Variants in CNTNAP2 observed in about 807,000 individuals in gnomAD.
CNTNAP2 encodes the protein contactin-associated protein-like 2.
CNTNAP2 carries 98 observed loss-of-function variants against 155.2 expected under a neutral mutation model. That is an observed-to-expected ratio of 0.63 (90% CI 0.54 to 0.75). CNTNAP2 has a LOEUF of 0.75. Among genes scored for constraint, CNTNAP2 ranks in the 30% least tolerant of loss-of-function variants. The pLI is 0.00. For missense variants in CNTNAP2, 1,727 were observed against 1,688.1 expected (o/e 1.02, Z -0.40); for synonymous variants, 651 against 631.2 (o/e 1.03, Z -0.47).
intron 1 of CNTNAP2, among the ~76,000 whole-genome samples, chr7:146,557,668 CT>C (rs1367218769): frequency 6.6e-6 from 1 of 151,244 alleles, no homozygotes; most frequent in Admixed American, 6.6e-5. Flanking sequence ...AATATTCAGT[CT>C]AGGAGACTTG....
At chr7:146,530,297 T>C (rs759714835) in intron 1 of CNTNAP2, among the ~76,000 whole-genome samples, 2 of 152,006 alleles carry the variant, frequency 1.3e-5, no homozygotes, top group Admixed American at 1.3e-4. Flanking sequence ...ACCTAGGAGA[T>C]ACCATTCTGG....
intron 15 of CNTNAP2, among the ~76,000 whole-genome samples, chr7:148,054,447 C>CT (rs61157011): frequency 0.057 from 4,191 of 73,038 alleles, 263 homozygotes; most frequent in African/African-American, 0.17. Context: ...TCTCAGTGGC[C>CT]TTTTTTTTTT....
intron 3 of CNTNAP2, among the ~76,000 whole-genome samples, chr7:146,933,373 C>G (rs1013844719): frequency 1.3e-5 from 2 of 151,310 alleles, no homozygotes; most frequent in Non-Finnish European, 3.0e-5. Context: ...GCTGGGAAAA[C>G]TGGCTAGCCA....
intron 13 of CNTNAP2, among the ~76,000 whole-genome samples, chr7:147,831,159 G>T (rs772100674): frequency 3.5e-4 from 54 of 152,116 alleles, no homozygotes; most frequent in Non-Finnish European, 1.3e-4. Flanking sequence ...TATATGTTAT[G>T]CCTTAAAGAC....
At chr7:146,240,571 A>C (rs1295987535) in intron 1 of CNTNAP2, among the ~76,000 whole-genome samples, 1 of 151,602 alleles carries the variant, frequency 6.6e-6, no homozygotes, top group Non-Finnish European at 1.5e-5. Context: ...ACTTATGTAC[A>C]TTAAATGCAT....
At chr7:146,815,492 G>A (rs1050372858) in intron 2 of CNTNAP2, among the ~76,000 whole-genome samples, 11 of 152,146 alleles carry the variant, frequency 7.2e-5, no homozygotes, top group African/African-American at 2.4e-4. Flanking sequence ...TAGAAATTGT[G>A]TGTGTGTCTA....
chr7:148,327,238 G>A (rs769115870), intron 21 of CNTNAP2, among the ~76,000 whole-genome samples: 5 of 152,158 alleles, frequency 3.3e-5, no homozygotes, highest in African/African-American at 4.8e-5. Context: ...CCTGGTGGAC[G>A]CCTGAGTCTA....
At chr7:147,745,659 G>T (rs1432698689) in intron 13 of CNTNAP2, among the ~76,000 whole-genome samples, 1 of 152,148 alleles carries the variant, frequency 6.6e-6, no homozygotes, top group African/African-American at 2.4e-5. Context: ...ATCGAGAAAT[G>T]TGACTATAAT....
chr7:146,919,917 G>T (rs1796467377), intron 3 of CNTNAP2, among the ~76,000 whole-genome samples: 1 of 152,120 alleles, frequency 6.6e-6, no homozygotes, highest in African/African-American at 2.4e-5. Flanking sequence ...ATGCTGCTCT[G>T]TCCATCTAAG....
intron 1 of CNTNAP2, among the ~76,000 whole-genome samples, chr7:146,651,813 A>G (rs1799916949): frequency 6.6e-6 from 1 of 152,130 alleles, no homozygotes; most frequent in Non-Finnish European, 1.5e-5. Context: ...TTATTCTGAA[A>G]TTTGTATGTG....
chr7:146,846,642 G>T (rs1803847697), intron 3 of CNTNAP2, among the ~76,000 whole-genome samples: 1 of 152,066 alleles, frequency 6.6e-6, no homozygotes, highest in Admixed American at 6.5e-5. Context: ...AGGTCATGAG[G>T]TTTCTTGGGA....
intron 8 of CNTNAP2, among the ~76,000 whole-genome samples, chr7:147,155,548 A>G (rs1020773855): frequency 2.6e-5 from 4 of 152,280 alleles, no homozygotes; most frequent in African/African-American, 7.2e-5. Context: ...GATGTAATTA[A>G]CAGAGTGCAC....
intron 3 of CNTNAP2, among the ~76,000 whole-genome samples, chr7:147,040,333 A>G (rs1279733146): frequency 6.6e-6 from 1 of 152,190 alleles, no homozygotes; most frequent in Non-Finnish European, 1.5e-5. Context: ...ACGTAAGTAA[A>G]TGTATGAATG....
chr7:147,421,585 C>CTGTCTGTGTGTGTG (rs1554482507), intron 10 of CNTNAP2, among the ~76,000 whole-genome samples: 22 of 143,540 alleles, frequency 1.5e-4, no homozygotes, highest in African/African-American at 5.2e-4. Flanking sequence ...TCTATCTAAT[C>CTGTCTGTGTGTGTG]TGTGTGTGTG....
chr7:146,424,335 C>G (rs1458657641), intron 1 of CNTNAP2, among the ~76,000 whole-genome samples: 1 of 152,162 alleles, frequency 6.6e-6, no homozygotes, highest in East Asian at 1.9e-4. Context: ...AAAGCAAGAT[C>G]AGCAAAGGGA....
At chr7:147,097,338 T>C (rs1800557982) in intron 4 of CNTNAP2, 1 of 152,192 alleles carries the variant, frequency 6.6e-6, no homozygotes. Flanking sequence ...GTTGTATGGA[T>C]GGATGGATGA....
At chr7:147,979,165 A>G (rs1258667910) in intron 15 of CNTNAP2, among the ~76,000 whole-genome samples, 1 of 152,178 alleles carries the variant, frequency 6.6e-6, no homozygotes, top group Non-Finnish European at 1.5e-5. Context: ...CAAAAGGGAG[A>G]TGGACTTTGT....
At chr7:147,558,530 T>G (rs2116779414) in intron 11 of CNTNAP2, among the ~76,000 whole-genome samples, 1 of 152,292 alleles carries the variant, frequency 6.6e-6, no homozygotes, top group Admixed American at 6.5e-5. Flanking sequence ...AATTTCTGTT[T>G]TAATAAGCTC....
chr7:148,039,378 A>C (rs1433398222), intron 15 of CNTNAP2, among the ~76,000 whole-genome samples: 3 of 152,112 alleles, frequency 2.0e-5, no homozygotes, highest in Non-Finnish European at 4.4e-5. Flanking sequence ...GCCTGCCCAC[A>C]TGAGGGAGGA....
Sources: gnomAD v4.1 joint callset for allele counts (sites outside exome capture counted in the v4.1 genomes callset) on GRCh38, gnomAD v4.1.1 for gene constraint, MANE v1.5 for transcripts, NCBI Gene and HGNC (gene_info 2026-07-23, HGNC 2026-07-21) for gene names.